Variants in SHOC2 observed in about 807,000 individuals in gnomAD.
SHOC2 encodes the protein leucine-rich repeat protein SHOC-2.
Under a neutral mutation model 50.2 loss-of-function variants are expected in SHOC2, and 4 were observed. The observed-to-expected ratio is 0.08, with a 90% CI of 0.04 to 0.18. The LOEUF is 0.18. Among genes scored for constraint, SHOC2 ranks in the 10% least tolerant of loss-of-function variants. The probability of loss-of-function intolerance (pLI) is 1.00; values close to 1 mark genes in which losing one functional copy is unlikely to be tolerated. For synonymous variants in SHOC2, 218 were observed against 244.5 expected (o/e 0.89, Z 1.01); for missense variants, 388 against 669.6 (o/e 0.58, Z 4.64).
At chr10:111,011,539 G>A (rs1848565403) in intron 8 of SHOC2, 71 bp from the exon 9 acceptor site, 3 of 1,001,592 alleles carry the variant, frequency 3.0e-6, no homozygotes, top group African/African-American at 3.2e-5. Context: ...GACCAGAACA[G>A]CATCATGCCC....
At chr10:110,942,065 T>C (rs1195639921) in intron 1 of SHOC2, among the ~76,000 whole-genome samples, 8 of 152,224 alleles carry the variant, frequency 5.3e-5, no homozygotes, top group African/African-American at 1.7e-4. Context: ...CAAAATTCAT[T>C]CGTTTGTTTT....
rs767523465 is a variant in SHOC2, at chr10:111,011,820, A to G, written c.*2A>G. The G allele has an allele frequency of 6.2e-7, 1 of 1,610,772 alleles. No individual in the cohort carries two copies. The highest frequency in any genetic ancestry group is 2.2e-5 in the East Asian group (1 of 44,870). On this transcript the variant is annotated 3_prime_UTR_variant, in exon 9 of 9. Transcript: ENST00000369452. ...GGTCCATATCGTGCCATGGTCTGAT[A>G]TAAATCTGCTGGTCCCACACACTGT... is the stretch of plus-strand genomic sequence containing the variant.
chr10:110,945,683 C>G (rs539480671), intron 1 of SHOC2, among the ~76,000 whole-genome samples: 1 of 152,244 alleles, frequency 6.6e-6, no homozygotes, highest in Non-Finnish European at 1.5e-5. Context: ...ATCTCCACCC[C>G]AACCCCACTC....
chr10:110,960,874 AC>A (rs1056944882), intron 1 of SHOC2, among the ~76,000 whole-genome samples: 1 of 151,918 alleles, frequency 6.6e-6, no homozygotes, highest in Non-Finnish European at 1.5e-5. Flanking sequence ...ATGGCGTTTC[AC>A]CATGTTGGTC....
At chr10:110,983,265 T>C (rs182096386) in intron 2 of SHOC2, among the ~76,000 whole-genome samples, 198 of 152,248 alleles carry the variant, frequency 1.3e-3, no homozygotes, top group African/African-American at 4.6e-3. Flanking sequence ...TTGATTTTTT[T>C]CCACCAAAAA....
intron 3 of SHOC2, among the ~76,000 whole-genome samples, chr10:110,997,604 G>A (rs1420923078): frequency 2.0e-5 from 3 of 152,044 alleles, no homozygotes; most frequent in East Asian, 1.9e-4. Context: ...ACTTTAGTAT[G>A]TACAGAATAT....
At chr10:110,939,774 C>T (rs1490172140) in intron 1 of SHOC2, among the ~76,000 whole-genome samples, 1 of 152,130 alleles carries the variant, frequency 6.6e-6, no homozygotes, top group East Asian at 1.9e-4. Context: ...AATATTACTA[C>T]TAAGGAATAA....
intron 7 of SHOC2, 91 bp downstream of exon 7, chr10:111,009,476 G>A: frequency 8.5e-7 from 1 of 1,176,068 alleles, no homozygotes; most frequent in Non-Finnish European, 1.3e-6. Flanking sequence ...GTAATTCTTG[G>A]ATCAGATAGA....
chr10:110,935,152 C>G (rs763461896), intron 1 of SHOC2, among the ~76,000 whole-genome samples: 2 of 152,190 alleles, frequency 1.3e-5, no homozygotes, highest in Admixed American at 1.3e-4. Context: ...TTACGTAGTG[C>G]TTTGTTCTAG....
intron 1 of SHOC2, among the ~76,000 whole-genome samples, chr10:110,928,874 A>C (rs1188387929): frequency 1.3e-5 from 2 of 152,142 alleles, no homozygotes; most frequent in Non-Finnish European, 2.9e-5. Context: ...CAGCCTGGGG[A>C]ACACATCCAG....
At chr10:110,938,260 C>G (rs1409184806) in intron 1 of SHOC2, among the ~76,000 whole-genome samples, 1 of 152,062 alleles carries the variant, frequency 6.6e-6, no homozygotes, top group East Asian at 1.9e-4. Context: ...CCTGTGGCAC[C>G]TGAGAGAAGC....
At chr10:110,928,561 G>A (rs181764539) in intron 1 of SHOC2, among the ~76,000 whole-genome samples, 1 of 152,204 alleles carries the variant, frequency 6.6e-6, no homozygotes. Context: ...CAGATAAAAG[G>A]TTTTATGATA....
chr10:111,006,350 G>A (rs1848465509), intron 5 of SHOC2, among the ~76,000 whole-genome samples: 1 of 152,142 alleles, frequency 6.6e-6, no homozygotes, highest in Non-Finnish European at 1.5e-5. Flanking sequence ...GACAATCCAT[G>A]TGCAATGCAG....
rs188457554 is a variant in SHOC2 at position 111,009,379 on chromosome 10, T to C, written c.1416T>C (p.Asp472=). 2 of 1,609,102 alleles carry C rather than the reference T, an allele frequency of 1.2e-6. No individual in the cohort carries two copies. The highest frequency in any genetic ancestry group is 3.3e-5 in the Admixed American group (2 of 59,964). ...CAAATGAAATTGCATATCTTAAGGA[T>C]TTACAGGTAAACATTATGCTGATTT... ...SLPNEIAYLK[D]LQKLVLTNNQ... Residue 472 remains aspartate (D), a synonymous_variant, in exon 7 of 9, where the codon GAT becomes GAC. Coordinates refer to ENST00000369452, the MANE Select transcript of SHOC2 (RefSeq NM_007373.4).
At chr10:110,952,451 A>G (rs1004270300) in intron 1 of SHOC2, among the ~76,000 whole-genome samples, 1 of 152,170 alleles carries the variant, frequency 6.6e-6, no homozygotes, top group East Asian at 1.9e-4. Context: ...ACATATAACT[A>G]TCACTATAGT....
chr10:110,954,727 G>T (rs1292715974), intron 1 of SHOC2, among the ~76,000 whole-genome samples: 1 of 152,136 alleles, frequency 6.6e-6, no homozygotes, highest in Non-Finnish European at 1.5e-5. Context: ...AATAAAACAG[G>T]ATAGATGGTC....
At chr10:110,923,359 A>G (rs547333491) in intron 1 of SHOC2, among the ~76,000 whole-genome samples, 5 of 152,228 alleles carry the variant, frequency 3.3e-5, no homozygotes, top group South Asian at 2.1e-4. Flanking sequence ...TCTAAAATAT[A>G]TAATTGAATT....
chr10:110,990,661 G>A (rs1848167487), intron 3 of SHOC2, among the ~76,000 whole-genome samples: 1 of 151,932 alleles, frequency 6.6e-6, no homozygotes, highest in Non-Finnish European at 1.5e-5. Flanking sequence ...CAGGCTGCCG[G>A]AGCCAGCATT....
At position 110,948,386 on chromosome 10, in the gene SHOC2, A is replaced by G. The variant is rs544847426; in HGVS notation, c.-234-15739A>G. Among the ~76,000 whole-genome samples the G allele has an allele frequency of 2.6e-5, 4 of 152,354 alleles. No homozygotes were observed. In the East Asian group the frequency reaches 7.7e-4, roughly 29 times the overall value. The stretch of plus-strand genomic sequence containing the variant: ...AGACTTGAACAACATTTTAGGCCAA[A>G]TGGACGTAACAGGCATATACAGAGC... On this transcript the variant is annotated intron_variant, in intron 1 of 8. Transcript: ENST00000369452.
Sources: gnomAD v4.1 joint callset for allele counts (sites outside exome capture counted in the v4.1 genomes callset) on GRCh38, gnomAD v4.1.1 for gene constraint, MANE v1.5 for transcripts, NCBI Gene and HGNC (gene_info 2026-07-23, HGNC 2026-07-21) for gene names.